ATAD1: variants seen among roughly 807,000 people sequenced by gnomAD.
The protein encoded by ATAD1 is outer mitochondrial transmembrane helix translocase.
Under a neutral mutation model 42.7 loss-of-function variants are expected in ATAD1, and 18 were observed. The ratio of observed to expected loss-of-function variants is 0.42; its 90% CI spans 0.29 to 0.63. ATAD1 has a LOEUF of 0.63. Among genes scored for constraint, ATAD1 ranks in the 20% least tolerant of loss-of-function variants. The pLI, the probability that ATAD1 is intolerant of heterozygous loss-of-function variation, is 0.19. For missense variants in ATAD1, 294 were observed against 440.4 expected (o/e 0.67, Z 2.98); for synonymous variants, 132 against 143.1 (o/e 0.92, Z 0.55).
chr10:87,812,369 C>T (rs369201660), intron 2 of ATAD1, among the ~76,000 whole-genome samples: 118 of 152,186 alleles, frequency 7.8e-4, no homozygotes, highest in African/African-American at 2.6e-3. Context: ...CTCTGCCTCC[C>T]GGGTTCAAGC....
At position 87,825,326 on chromosome 10, in the gene ATAD1, T is replaced by C. The variant is rs552484371; in HGVS notation, c.-13-10714A>G. 4.1e-3 allele frequency among the ~76,000 whole-genome samples: 612 copies of C among 151,086 alleles called. 3 individuals carry two copies. The highest frequency in any genetic ancestry group is 4.8e-3 in the Non-Finnish European group (325 of 67,726). On this transcript the variant is annotated intron_variant, in intron 1 of 4. Coordinates refer to the ATAD1 transcript ENST00000495903. ...TCTTAACCTTTTTTTTTTTTTTTTTTTGAGATGGAGTCTTGCTCAGTCGCC... is the reference window on the plus strand; with the variant it reads ...TCTTAACCTTTTTTTTTTTTTTTTTCTGAGATGGAGTCTTGCTCAGTCGCC...
chr10:87,790,193 T>C (rs773117723), intron 4 of ATAD1, 117 bp downstream of exon 4: 179 of 1,200,804 alleles, frequency 1.5e-4, no homozygotes, highest in Non-Finnish European at 1.7e-4. Flanking sequence ...ACTGTTCACA[T>C]AGATCTCAGC....
chr10:87,756,941 C>T lies in ATAD1; in HGVS notation c.832-19G>A, dbSNP rs1393526251. ...TATCCACCTTAAACAAATATAAAAA[C>T]ATGCTTAAAAAACAAAAATAAATAT... On this transcript the variant is annotated intron_variant, in intron 8 of 9. Transcript: ENST00000680024. 6.4e-7 allele frequency: 1 copy of T among 1,564,948 alleles called. No homozygotes were observed. Among genetic ancestry groups the T allele is most frequent in the Non-Finnish European group, 8.6e-7 (1 of 1,161,384 alleles).
At chr10:87,799,726 G>A (rs1856590398) in intron 2 of ATAD1, among the ~76,000 whole-genome samples, 1 of 151,636 alleles carries the variant, frequency 6.6e-6, no homozygotes, top group Admixed American at 6.6e-5. Flanking sequence ...TCATAATTTA[G>A]AATCTAAAGT....
chr10:87,822,458 A>T (rs189882268), upstream of ATAD1, among the ~76,000 whole-genome samples: 586 of 152,344 alleles, frequency 3.8e-3, 3 homozygotes, highest in South Asian at 8.5e-3. Flanking sequence ...CATTTAAAAA[A>T]ATGAGATCCT....
At chr10:87,814,371 T>G in intron 2 of ATAD1, 67 bp downstream of exon 2, 2 of 1,455,862 alleles carry the variant, frequency 1.4e-6, no homozygotes, top group Non-Finnish European at 1.8e-6. Context: ...CTCTACCAAA[T>G]TTTTAGTTTG....
At chr10:87,767,320 A>C (rs1055713838) in intron 8 of ATAD1, among the ~76,000 whole-genome samples, 1 of 152,130 alleles carries the variant, frequency 6.6e-6, no homozygotes, top group African/African-American at 2.4e-5. Context: ...GACCTGGAGA[A>C]GTGGAGGAGG....
rs755290653 is a variant in ATAD1 at position 87,814,627 on chromosome 10, CAG to C, written c.-13-17_-13-16del. On this transcript the variant is annotated splice_polypyrimidine_tract_variant and intron_variant, in intron 1 of 9. Coordinates refer to ENST00000680024, the MANE Select transcript of ATAD1 (RefSeq NM_001321967.2). Reference sequence around the variant, plus strand: ...TGAATGTTAACCTTAAAAAAACAAACAGAAATGTCACTAGGTAATAACTATAC... The same window carrying C: ...TGAATGTTAACCTTAAAAAAACAAACAAATGTCACTAGGTAATAACTATAC... 1 of 1,567,018 alleles carries C rather than the reference CAG, an allele frequency of 6.4e-7. No homozygotes were observed. Among genetic ancestry groups the C allele is most frequent in the Non-Finnish European group, 8.6e-7 (1 of 1,158,300 alleles).
chr10:87,776,106 C>T lies in ATAD1; in HGVS notation c.690+215G>A, dbSNP rs948436339. The stretch of plus-strand genomic sequence containing the variant: ...TCTCTTCTGCTGTGTCTGTTTCAGG[C>T]ATTTAGGCAATCTACTAATGTTTTG... On this transcript the variant is annotated intron_variant, in intron 6 of 9. Coordinates refer to ENST00000680024, the MANE Select transcript of ATAD1 (RefSeq NM_001321967.2). Among the ~76,000 whole-genome samples the T allele has an allele frequency of 5.9e-5, 9 of 152,122 alleles. No individual in the cohort carries two copies. The South Asian group carries it at 8.3e-4, about 14-fold the overall frequency.
intron 2 of ATAD1, among the ~76,000 whole-genome samples, chr10:87,809,519 T>C (rs948428083): frequency 1.4e-5 from 2 of 142,484 alleles, no homozygotes; most frequent in Admixed American, 7.0e-5. Flanking sequence ...GCACACTCAA[T>C]TGAACTTTCA....
chr10:87,757,895 C>T (rs1246725600), intron 8 of ATAD1, among the ~76,000 whole-genome samples: 1 of 152,212 alleles, frequency 6.6e-6, no homozygotes. Context: ...AGCTCTGCAA[C>T]TGTGACCTCA....
chr10:87,823,876 C>T (rs894465599), intron 1 of ATAD1, among the ~76,000 whole-genome samples: 1 of 152,114 alleles, frequency 6.6e-6, no homozygotes, highest in African/African-American at 2.4e-5. Context: ...CGCATAAAAC[C>T]TTCCTCCTCC....
chr10:87,835,172 A>G (rs538694116), intron 1 of ATAD1, among the ~76,000 whole-genome samples: 5 of 152,092 alleles, frequency 3.3e-5, no homozygotes, highest in African/African-American at 7.2e-5. Flanking sequence ...GTGCTGTGCC[A>G]TGTACATTTT....
At chr10:87,810,138 TTTCA>T (rs1418182950) in intron 2 of ATAD1, among the ~76,000 whole-genome samples, 1 of 152,162 alleles carries the variant, frequency 6.6e-6, no homozygotes, top group African/African-American at 2.4e-5. Context: ...TTTCCATTCA[TTTCA>T]TTATTATGTG....
At chr10:87,832,120 C>T (rs1386459281) in intron 1 of ATAD1, 1 of 137,394 alleles carries the variant, frequency 7.3e-6, no homozygotes, top group Non-Finnish European at 1.5e-5. Context: ...CTCACCCAGG[C>T]TGGAGTAGAG....
At chr10:87,783,329 G>T (rs765831769) in intron 5 of ATAD1, among the ~76,000 whole-genome samples, 1 of 151,534 alleles carries the variant, frequency 6.6e-6, no homozygotes, top group African/African-American at 2.4e-5. Context: ...CCATGATCAC[G>T]CCACTGCATT....
rs188951767 is a variant in ATAD1, at chr10:87,809,561, C to A, written c.162+4877G>T. 2.7e-3 allele frequency among the ~76,000 whole-genome samples: 406 copies of A among 151,106 alleles called. 6 individuals carry two copies. The highest frequency in any genetic ancestry group is 0.021 in the Middle Eastern group (6 of 292). On this transcript the variant is annotated intron_variant, in intron 2 of 9. Transcript: ENST00000680024. ...AAAAAAAAATCTGCTTATGAGTGGA[C>A]CTATGCAGTTTAAACACGTTGTTTG...
intron 4 of ATAD1, among the ~76,000 whole-genome samples, chr10:87,785,477 T>C (rs1855781256): frequency 6.6e-6 from 1 of 150,772 alleles, no homozygotes; most frequent in Admixed American, 6.6e-5. Flanking sequence ...AAGATGGTTA[T>C]TAAAATAAAC....
intron 2 of ATAD1, among the ~76,000 whole-genome samples, chr10:87,806,610 T>A (rs1465224540): frequency 6.6e-6 from 1 of 152,198 alleles, no homozygotes; most frequent in Non-Finnish European, 1.5e-5. Context: ...TTCTGTGACA[T>A]TTTCATCTCA....
Sources: gnomAD v4.1 joint callset for allele counts (sites outside exome capture counted in the v4.1 genomes callset) on GRCh38, gnomAD v4.1.1 for gene constraint, MANE v1.5 for transcripts, NCBI Gene and HGNC (gene_info 2026-07-23, HGNC 2026-07-21) for gene names.